The following LRRC4C variants were observed in gnomAD, a reference collection of about 807,000 sequenced individuals.
LRRC4C encodes leucine-rich repeat-containing protein 4C.
A neutral mutation model predicts 33.6 loss-of-function variants in LRRC4C; 5 were observed. The observed-to-expected ratio is 0.15, with a 90% CI of 0.08 to 0.31. The LOEUF is 0.31. LRRC4C is among the 10% of genes least tolerant of loss of function. The pLI is 1.00. For synonymous variants in LRRC4C, 329 were observed against 302.0 expected (o/e 1.09, Z -0.93); for missense variants, 560 against 796.7 (o/e 0.70, Z 3.58).
chr11:41,339,139 T>C (rs1435493109), intron 1 of LRRC4C, among the ~76,000 whole-genome samples: 4 of 152,146 alleles, frequency 2.6e-5, no homozygotes, highest in African/African-American at 9.7e-5. Flanking sequence ...ATAGGGAAAG[T>C]ATAGAAACTA....
chr11:40,863,203 A>T (rs919054040), intron 2 of LRRC4C, among the ~76,000 whole-genome samples: 1 of 152,194 alleles, frequency 6.6e-6, no homozygotes, highest in African/African-American at 2.4e-5. Flanking sequence ...GTCCAACAAC[A>T]AAGCACAGAC....
chr11:40,526,534 T>G (rs913170925), intron 3 of LRRC4C, among the ~76,000 whole-genome samples: 1 of 152,140 alleles, frequency 6.6e-6, no homozygotes, highest in Admixed American at 6.5e-5. Context: ...GTGTTATTAC[T>G]GCAGAGCCAC....
chr11:40,738,605 A>G (rs1948001294), intron 2 of LRRC4C, among the ~76,000 whole-genome samples: 1 of 152,136 alleles, frequency 6.6e-6, no homozygotes, highest in South Asian at 2.1e-4. Context: ...AGTCTGTAAT[A>G]GAGCCAAAAG....
intron 1 of LRRC4C, among the ~76,000 whole-genome samples, chr11:41,437,411 ACGCG>A (rs781578463): frequency 8.8e-5 from 13 of 147,832 alleles, no homozygotes; most frequent in African/African-American, 2.8e-4. Context: ...ACACACACAA[ACGCG>A]CGCGCGCGCG....
chr11:41,306,277 A>C (rs1328130870), intron 1 of LRRC4C, among the ~76,000 whole-genome samples: 1 of 152,160 alleles, frequency 6.6e-6, no homozygotes, highest in African/African-American at 2.4e-5. Flanking sequence ...ACTAGTTCTT[A>C]AGCTCACAGA....
intron 2 of LRRC4C, among the ~76,000 whole-genome samples, chr11:40,693,493 C>T (rs1311272307): frequency 2.6e-5 from 4 of 152,004 alleles, no homozygotes; most frequent in Non-Finnish European, 4.4e-5. Context: ...GAGGGCCGGG[C>T]TCTGCAGGGG....
intron 4 of LRRC4C, among the ~76,000 whole-genome samples, chr11:40,299,381 C>G (rs1356100353): frequency 6.6e-6 from 1 of 152,204 alleles, no homozygotes; most frequent in African/African-American, 2.4e-5. Flanking sequence ...CCTGCGTGGA[C>G]TCTGCCACTC....
intron 3 of LRRC4C, among the ~76,000 whole-genome samples, chr11:40,535,117 A>C (rs1956418405): frequency 6.6e-6 from 1 of 152,156 alleles, no homozygotes; most frequent in Admixed American, 6.5e-5. Flanking sequence ...GTATTATGGG[A>C]CTAAATTTGT....
chr11:41,219,489 A>T (rs1947208837), intron 1 of LRRC4C, among the ~76,000 whole-genome samples: 1 of 152,230 alleles, frequency 6.6e-6, no homozygotes, highest in African/African-American at 2.4e-5. Context: ...ATCTTCACAC[A>T]TTCTTGAAGT....
intron 1 of LRRC4C, among the ~76,000 whole-genome samples, chr11:41,139,593 C>T (rs1181350799): frequency 6.6e-6 from 1 of 152,134 alleles, no homozygotes; most frequent in East Asian, 1.9e-4. Flanking sequence ...ATAGGTTATC[C>T]AAGCACCAAA....
At chr11:41,108,289 CT>C (rs1213313971) in intron 1 of LRRC4C, among the ~76,000 whole-genome samples, 1 of 152,106 alleles carries the variant, frequency 6.6e-6, no homozygotes, top group Non-Finnish European at 1.5e-5. Context: ...CATGTAGTAT[CT>C]GCAGTACTTG....
At chr11:41,157,309 C>T (rs572135403) in intron 1 of LRRC4C, among the ~76,000 whole-genome samples, 2 of 151,980 alleles carry the variant, frequency 1.3e-5, no homozygotes, top group Non-Finnish European at 2.9e-5. Flanking sequence ...TTTCATTGAA[C>T]TAGAGGAAGG....
intron 2 of LRRC4C, among the ~76,000 whole-genome samples, chr11:40,928,633 T>C (rs1565212256): frequency 6.6e-6 from 1 of 152,142 alleles, no homozygotes. Context: ...TTTCACTAAA[T>C]TGCATGTTTG....
chr11:40,795,880 G>C (rs772870424), intron 2 of LRRC4C, among the ~76,000 whole-genome samples: 2 of 152,086 alleles, frequency 1.3e-5, no homozygotes, highest in Admixed American at 6.6e-5. Context: ...AATTAATAGG[G>C]CCACCTCCAT....
Position 41,262,229 on chromosome 11 carries a change from AC to A in LRRC4C, c.-496+197201del, listed in dbSNP as rs536726237. Among the ~76,000 whole-genome samples the A allele has an allele frequency of 2.4e-4, 36 of 152,194 alleles. No individual in the cohort carries two copies. The East Asian group carries it at 6.2e-3, about 26-fold the overall frequency. On this transcript the variant is annotated intron_variant, in intron 1 of 6. Coordinates refer to ENST00000528697, the MANE Select transcript of LRRC4C (RefSeq NM_001258419.2). ...AAAAATTAAAAAATTTTCCAGTGACACAGATATGCCCATTCATTTTCATATT... is the reference window on the plus strand; with the variant it reads ...AAAAATTAAAAAATTTTCCAGTGACAAGATATGCCCATTCATTTTCATATT...
intron 1 of LRRC4C, among the ~76,000 whole-genome samples, chr11:41,318,939 G>A (rs1176902026): frequency 3.9e-5 from 6 of 152,138 alleles, no homozygotes; most frequent in African/African-American, 9.7e-5. Flanking sequence ...TTTTCTTCAG[G>A]GGACCAAATT....
chr11:40,895,561 A>T (rs1467964567), intron 2 of LRRC4C, among the ~76,000 whole-genome samples: 1 of 152,144 alleles, frequency 6.6e-6, no homozygotes, highest in African/African-American at 2.4e-5. Flanking sequence ...GCTGAAGCAG[A>T]TACTTGAGTC....
At chr11:41,442,501 G>T (rs1171301741) in intron 1 of LRRC4C, among the ~76,000 whole-genome samples, 4 of 93,482 alleles carry the variant, frequency 4.3e-5, no homozygotes, top group African/African-American at 1.7e-4. Context: ...ACAGAGTCTT[G>T]CTCTGTCGCC....
At chr11:41,068,271 T>C (rs1449106521) in intron 1 of LRRC4C, among the ~76,000 whole-genome samples, 1 of 152,106 alleles carries the variant, frequency 6.6e-6, no homozygotes, top group African/African-American at 2.4e-5. Flanking sequence ...CAAGTTCCTA[T>C]AATTCCAGCT....
Sources: allele counts gnomAD v4.1 joint callset (sites outside exome capture counted in the v4.1 genomes callset), GRCh38; gene constraint gnomAD v4.1.1; transcripts MANE v1.5; gene names NCBI Gene and HGNC (gene_info 2026-07-23, HGNC 2026-07-21).